The following CCDC178 variants were observed in gnomAD, a reference collection of about 807,000 sequenced individuals.
CCDC178 encodes the protein coiled-coil domain-containing protein 178.
In CCDC178, 126 loss-of-function variants were observed where a neutral mutation model predicts 117.4. The ratio of observed to expected loss-of-function variants is 1.07; its 90% CI spans 0.93 to 1.24. The LOEUF (loss-of-function observed/expected upper bound fraction) is 1.24, where lower values mean the gene tolerates loss of function less well. Ranked by LOEUF, CCDC178 falls within the 50% of genes most tolerant of loss-of-function variation. CCDC178 has a pLI of 0.00. For missense variants in CCDC178, 1,030 were observed against 986.9 expected (o/e 1.04, Z -0.59); for synonymous variants, 283 against 313.4 (o/e 0.90, Z 1.02).
chr18:32,970,322 C>CT (rs2054899310), intron 22 of CCDC178, among the ~76,000 whole-genome samples: 1 of 151,780 alleles, frequency 6.6e-6, no homozygotes, highest in East Asian at 1.9e-4. Context: ...AACAAAATTT[C>CT]TTTTTTTCTG....
At chr18:33,107,263 A>C (rs1014514442) in intron 20 of CCDC178, among the ~76,000 whole-genome samples, 8 of 151,762 alleles carry the variant, frequency 5.3e-5, no homozygotes, top group Admixed American at 2.0e-4. Context: ...TAGAGAAACA[A>C]GCATTTTAAC....
At chr18:33,340,494 G>A (rs1221024796) in intron 9 of CCDC178, among the ~76,000 whole-genome samples, 11 of 152,138 alleles carry the variant, frequency 7.2e-5, no homozygotes, top group East Asian at 1.9e-4. Context: ...CCAAGACCAC[G>A]GGGAAAATGT....
chr18:33,346,049 A>G lies in CCDC178; in HGVS notation c.658+162T>C, dbSNP rs111778658. ...CACCACGTTTCTTAGGCTGGTCTCG[A>G]ACTCCTGGGCTCAAGTGATCCGCAT... On this transcript the variant is annotated intron_variant, in intron 9 of 22. Coordinates refer to ENST00000383096, the MANE Select transcript of CCDC178 (RefSeq NM_001105528.4). Among the ~76,000 whole-genome samples, 18 of 152,174 alleles carry G rather than the reference A, an allele frequency of 1.2e-4. 1 individual carries two copies. The highest frequency in any genetic ancestry group is 5.9e-4 in the Admixed American group (9 of 15,280).
intron 10 of CCDC178, among the ~76,000 whole-genome samples, chr18:33,325,521 T>A (rs1481942298): frequency 6.6e-6 from 1 of 152,102 alleles, no homozygotes; most frequent in Admixed American, 6.5e-5. Context: ...ATATGTCACC[T>A]TCATTTAATT....
chr18:33,263,478 G>A (rs2059775568), intron 14 of CCDC178, among the ~76,000 whole-genome samples: 1 of 151,966 alleles, frequency 6.6e-6, no homozygotes, highest in Non-Finnish European at 1.5e-5. Context: ...TTTAACAGTT[G>A]TTTAATATTG....
intron 11 of CCDC178, among the ~76,000 whole-genome samples, chr18:33,295,643 A>G (rs756442649): frequency 3.4e-4 from 51 of 152,218 alleles, no homozygotes; most frequent in Non-Finnish European, 5.9e-4. Context: ...ATTTGAACAG[A>G]CACTGTATGA....
intron 3 of CCDC178, among the ~76,000 whole-genome samples, chr18:33,410,741 G>A (rs1416019602): frequency 2.0e-5 from 3 of 152,092 alleles, no homozygotes; most frequent in South Asian, 2.1e-4. Context: ...TCCATCAAGA[G>A]GTGGAGTCTA....
At chr18:33,117,022 A>G (rs796728311) in intron 20 of CCDC178, among the ~76,000 whole-genome samples, 36 of 152,188 alleles carry the variant, frequency 2.4e-4, no homozygotes, top group African/African-American at 8.7e-4. Flanking sequence ...GCATGAATCT[A>G]TATCAATTGA....
chr18:33,079,043 T>C (rs1567974935), intron 21 of CCDC178, among the ~76,000 whole-genome samples: 1 of 152,074 alleles, frequency 6.6e-6, no homozygotes, highest in Admixed American at 6.6e-5. Flanking sequence ...AGGGCTACAG[T>C]AACCAAAACA....
chr18:33,182,951 C>T (rs930290094), intron 20 of CCDC178, among the ~76,000 whole-genome samples: 6 of 151,944 alleles, frequency 3.9e-5, no homozygotes, highest in African/African-American at 9.7e-5. Context: ...ATATGAATCT[C>T]AGTTTTTATT....
At chr18:33,219,059 C>T (rs2059201133) in intron 18 of CCDC178, among the ~76,000 whole-genome samples, 1 of 152,108 alleles carries the variant, frequency 6.6e-6, no homozygotes, top group Non-Finnish European at 1.5e-5. Flanking sequence ...GCAGTTTTCA[C>T]AATACTGATT....
In CCDC178 at chr18:33,347,812, G is replaced by A. The variant is rs1025662396; in HGVS notation, c.457+1078C>T. On this transcript the variant is annotated intron_variant, in intron 8 of 22. Transcript: ENST00000383096. ...AATAATAAATTCCAAAACAAATGCC[G>A]TATAGGTAACTTGAGATGCCTCAAA... Among the ~76,000 whole-genome samples, 16 of 151,934 alleles carry A rather than the reference G, an allele frequency of 1.1e-4. 1 individual carries two copies. The South Asian group carries it at 1.7e-3, about 16-fold the overall frequency.
rs1188019969 is a variant in CCDC178 at position 33,077,285 on chromosome 18, GC to G, written c.2388+15475del. ...CTGGTTCCCACTTACAAGTAGAGTA[GC>G]CTAAAATTACAACAAAGTACCTGTT... On this transcript the variant is annotated intron_variant, in intron 21 of 22. Transcript: ENST00000383096. Among the ~76,000 whole-genome samples, 5 of 152,250 alleles carry G rather than the reference GC, an allele frequency of 3.3e-5. No homozygotes were observed. The East Asian group carries it at 7.7e-4, about 24-fold the overall frequency.
At chr18:33,148,127 G>C (rs577111336) in intron 20 of CCDC178, among the ~76,000 whole-genome samples, 1 of 152,216 alleles carries the variant, frequency 6.6e-6, no homozygotes, top group African/African-American at 2.4e-5. Flanking sequence ...ACTCCAGCCT[G>C]GGCAACATTG....
chr18:33,393,326 C>T lies in CCDC178; in HGVS notation c.119-3697G>A, dbSNP rs539063284. ...ATGTGTGTATGGTGTATTTATAATA[C>T]ATAAAAATGTTTTAATGGTTTTAGA... On this transcript the variant is annotated intron_variant, in intron 4 of 22. Transcript: ENST00000383096. 2.0e-5 allele frequency among the ~76,000 whole-genome samples: 3 copies of T among 152,132 alleles called. No homozygotes were observed. The South Asian group carries it at 6.2e-4, about 32-fold the overall frequency.
intron 21 of CCDC178, among the ~76,000 whole-genome samples, chr18:33,011,567 C>CTA (rs1436504686): frequency 2.0e-5 from 3 of 151,634 alleles, no homozygotes; most frequent in Non-Finnish European, 4.4e-5. Context: ...ATACTCAGGC[C>CTA]TCTATGGTTC....
At chr18:33,352,202 T>C (rs1343611528) in intron 7 of CCDC178, among the ~76,000 whole-genome samples, 5 of 152,190 alleles carry the variant, frequency 3.3e-5, no homozygotes, top group African/African-American at 1.2e-4. Flanking sequence ...ATTTAGTTTG[T>C]TGATACCCAT....
At chr18:33,300,805 G>C (rs1309065930) in intron 11 of CCDC178, among the ~76,000 whole-genome samples, 1 of 152,170 alleles carries the variant, frequency 6.6e-6, no homozygotes, top group African/African-American at 2.4e-5. Flanking sequence ...GCAAATGAAT[G>C]ACTTAAAAGT....
At chr18:33,371,682 T>A (rs1443822742) in intron 5 of CCDC178, among the ~76,000 whole-genome samples, 1 of 151,938 alleles carries the variant, frequency 6.6e-6, no homozygotes, top group Non-Finnish European at 1.5e-5. Context: ...TGGTATCCTA[T>A]GTCTTTTAGT....
Sources: gnomAD v4.1 joint callset for allele counts (sites outside exome capture counted in the v4.1 genomes callset) on GRCh38, gnomAD v4.1.1 for gene constraint, MANE v1.5 for transcripts, NCBI Gene and HGNC (gene_info 2026-07-23, HGNC 2026-07-21) for gene names.